Variants in DIAPH1 observed in about 807,000 individuals in gnomAD.
DIAPH1 encodes the protein protein diaphanous homolog 1.
Under a neutral mutation model 140.7 loss-of-function variants are expected in DIAPH1, and 46 were observed. The ratio of observed to expected loss-of-function variants is 0.33; its 90% CI spans 0.26 to 0.42. The LOEUF is 0.42. Ranked by LOEUF, DIAPH1 falls within the 10% of genes least tolerant of loss-of-function variation. DIAPH1 has a pLI of 1.00. For missense variants in DIAPH1, 1,310 were observed against 1,558.7 expected (o/e 0.84, Z 2.69); for synonymous variants, 565 against 551.6 (o/e 1.02, Z -0.34).
chr5:141,578,447 C>T lies in DIAPH1; in HGVS notation c.1044+68G>A, dbSNP rs370523914. The T allele has an allele frequency of 2.2e-4, 341 of 1,530,718 alleles. 2 individuals are homozygous for T. The East Asian group carries it at 5.4e-3, about 24-fold the overall frequency. 94.8% of individuals were successfully genotyped at this position (1,530,718 alleles called of 1,614,324 possible). On this transcript the variant is annotated intron_variant, in intron 10 of 27. Transcript: ENST00000389054. Reference sequence around the variant, plus strand: ...TTTAATTGAAAACCAGAATTATCCCCGGGATTATTGGGGCTGTAGAGCAAG... The same window carrying T: ...TTTAATTGAAAACCAGAATTATCCCTGGGATTATTGGGGCTGTAGAGCAAG...
chr5:141,539,139 TG>T (rs1298243486), intron 18 of DIAPH1, among the ~76,000 whole-genome samples: 2 of 151,906 alleles, frequency 1.3e-5, no homozygotes, highest in Non-Finnish European at 2.9e-5. Context: ...TATCTAGGCA[TG>T]GTGGCGCACA....
chr5:141,604,697 ATC>A (rs2099900666), intron 1 of DIAPH1, among the ~76,000 whole-genome samples: 2 of 152,164 alleles, frequency 1.3e-5, no homozygotes, highest in Admixed American at 1.3e-4. Flanking sequence ...TTTCTAAATA[ATC>A]TCTTTTTTGT....
intron 18 of DIAPH1, among the ~76,000 whole-genome samples, chr5:141,567,037 C>A (rs1318155479): frequency 6.6e-6 from 1 of 152,124 alleles, no homozygotes; most frequent in Non-Finnish European, 1.5e-5. Flanking sequence ...CCAGAGGGTA[C>A]AGTGGACCAG....
intron 18 of DIAPH1, among the ~76,000 whole-genome samples, chr5:141,556,853 C>G (rs1291862911): frequency 2.0e-5 from 3 of 152,120 alleles, no homozygotes; most frequent in Admixed American, 6.5e-5. Flanking sequence ...CACCAGGCGG[C>G]CCGGCTAATT....
chr5:141,615,459 G>A (rs1196158360), intron 1 of DIAPH1, among the ~76,000 whole-genome samples: 8 of 111,062 alleles, frequency 7.2e-5, no homozygotes, highest in Admixed American at 4.6e-4. Flanking sequence ...AAAAAAAAAA[G>A]GGCCGCACGC....
At chr5:141,596,428 C>G (rs182143461) in intron 1 of DIAPH1, among the ~76,000 whole-genome samples, 312 of 151,980 alleles carry the variant, frequency 2.1e-3, no homozygotes, top group South Asian at 0.01. Context: ...AGCTGAGCCC[C>G]CAGAGGTTGC....
At chr5:141,615,706 G>A (rs1304214385) in intron 1 of DIAPH1, among the ~76,000 whole-genome samples, 1 of 152,046 alleles carries the variant, frequency 6.6e-6, no homozygotes, top group Non-Finnish European at 1.5e-5. Context: ...TTGCACCACT[G>A]CACTCCAGCC....
At chr5:141,576,355 C>A in intron 13 of DIAPH1, 61 bp from the exon 14 acceptor site, 1 of 1,230,494 alleles carries the variant, frequency 8.1e-7, no homozygotes, top group Non-Finnish European at 1.2e-6. Flanking sequence ...TTCTTTCACA[C>A]TACACCCTTC....
chr5:141,589,305 TAC>T (rs1268561987), intron 1 of DIAPH1, among the ~76,000 whole-genome samples: 3 of 152,368 alleles, frequency 2.0e-5, no homozygotes, highest in Admixed American at 6.5e-5. Flanking sequence ...GATGTAGTGT[TAC>T]AGTGTTTATG....
At chr5:141,600,971 G>T (rs1265472473) in intron 1 of DIAPH1, among the ~76,000 whole-genome samples, 2 of 151,912 alleles carry the variant, frequency 1.3e-5, no homozygotes, top group Admixed American at 6.6e-5. Context: ...GCAAACTATT[G>T]CAAGGACAGA....
chr5:141,523,206 A>G (rs1488338654), intron 27 of DIAPH1, among the ~76,000 whole-genome samples: 1 of 152,252 alleles, frequency 6.6e-6, no homozygotes, highest in Admixed American at 6.5e-5. Context: ...AACAGCCAGG[A>G]AACAGGGAAC....
intron 11 of DIAPH1, 60 bp from the exon 12 acceptor site, chr5:141,577,651 CTTAT>C: frequency 9.2e-7 from 1 of 1,081,790 alleles, no homozygotes. Context: ...TGACAGGTGG[CTTAT>C]TTAACTCTTG....
intron 18 of DIAPH1, among the ~76,000 whole-genome samples, chr5:141,541,692 A>G (rs978611295): frequency 1.3e-5 from 2 of 151,602 alleles, no homozygotes; most frequent in African/African-American, 4.8e-5. Context: ...CTCAAAAAAA[A>G]AAAAAAAAGA....
intron 18 of DIAPH1, among the ~76,000 whole-genome samples, chr5:141,537,387 G>A (rs777958168): frequency 6.7e-6 from 1 of 149,994 alleles, no homozygotes; most frequent in African/African-American, 2.5e-5. Flanking sequence ...GGAGGCTGAG[G>A]CAGGAAAATC....
intron 11 of DIAPH1, chr5:141,577,894 T>TA: frequency 2.0e-6 from 1 of 502,200 alleles, no homozygotes; most frequent in Non-Finnish European, 3.6e-6. Context: ...TATTAACAGG[T>TA]AACTAAATTA....
chr5:141,591,211 A>T (rs992932756), intron 1 of DIAPH1, among the ~76,000 whole-genome samples: 1 of 151,302 alleles, frequency 6.6e-6, no homozygotes, highest in Non-Finnish European at 1.5e-5. Flanking sequence ...TGCTTTCACA[A>T]CTCCAACAGG....
chr5:141,577,330 C>T, intron 12 of DIAPH1, 145 bp downstream of exon 12: 10 of 737,280 alleles, frequency 1.4e-5, no homozygotes, highest in South Asian at 1.3e-4. Context: ...AATAAGACAA[C>T]TTCCTTTATA....
At chr5:141,577,381 C>T (rs1382884675) in intron 12 of DIAPH1, 94 bp downstream of exon 12, 3 of 929,370 alleles carry the variant, frequency 3.2e-6, no homozygotes, top group Admixed American at 3.4e-5. Context: ...TTTGTCTTTA[C>T]ATTTTCCTTT....
intron 18 of DIAPH1, among the ~76,000 whole-genome samples, chr5:141,554,879 G>A (rs548862728): frequency 1.3e-5 from 2 of 152,018 alleles, no homozygotes; most frequent in East Asian, 3.9e-4. Flanking sequence ...ATTAGAAATC[G>A]AAGAAACTTC....
Sources: gnomAD v4.1 joint callset for allele counts (sites outside exome capture counted in the v4.1 genomes callset) on GRCh38, gnomAD v4.1.1 for gene constraint, MANE v1.5 for transcripts, NCBI Gene and HGNC (gene_info 2026-07-23, HGNC 2026-07-21) for gene names.